Variants in ZNF536 observed in about 807,000 individuals in gnomAD.
ZNF536 encodes zinc finger protein 536.
A neutral mutation model predicts 84.5 loss-of-function variants in ZNF536; 13 were observed. That is an observed-to-expected ratio of 0.15 (90% CI 0.10 to 0.24). ZNF536 has a LOEUF of 0.24. ZNF536 is among the 10% of genes least tolerant of loss of function. The pLI is 1.00. For synonymous variants in ZNF536, 811 were observed against 742.5 expected (o/e 1.09, Z -1.50); for missense variants, 1,536 against 1,747.5 (o/e 0.88, Z 2.16).
At chr19:30,626,329 G>A (rs575109403) in intron 1 of ZNF536, among the ~76,000 whole-genome samples, 1 of 152,112 alleles carries the variant, frequency 6.6e-6, no homozygotes, top group African/African-American at 2.4e-5. Context: ...ATTTTTGCCA[G>A]ATTTATTAAA....
chr19:30,230,149 T>C (rs1238928121), intron 1 of ZNF536, among the ~76,000 whole-genome samples: 1 of 152,236 alleles, frequency 6.6e-6, no homozygotes. Flanking sequence ...CCGGATTTAG[T>C]GTTGATTTTT....
intron 1 of ZNF536, among the ~76,000 whole-genome samples, chr19:30,696,228 G>A (rs2051652115): frequency 6.6e-6 from 1 of 152,080 alleles, no homozygotes; most frequent in African/African-American, 2.4e-5. Flanking sequence ...CCCAGCCCCC[G>A]CAATGTTGGA....
At chr19:30,602,666 G>A (rs575318527) in intron 1 of ZNF536, among the ~76,000 whole-genome samples, 2 of 152,286 alleles carry the variant, frequency 1.3e-5, no homozygotes, top group African/African-American at 4.8e-5. Context: ...CCAGGCTACC[G>A]ATTCCGAGAA....
At chr19:30,676,361 G>C (rs1253476518) in intron 1 of ZNF536, among the ~76,000 whole-genome samples, 2 of 152,148 alleles carry the variant, frequency 1.3e-5, no homozygotes, top group African/African-American at 2.4e-5. Flanking sequence ...AAAGAAGATG[G>C]CTTTCACTCT....
intron 2 of ZNF536, among the ~76,000 whole-genome samples, chr19:30,473,386 G>A (rs761288102): frequency 2.6e-5 from 4 of 152,004 alleles, no homozygotes; most frequent in Non-Finnish European, 4.4e-5. Context: ...CAACCCTGGG[G>A]GCTGCTTTTC....
chr19:30,365,416 C>A (rs2048395794), intron 3 of ZNF536, among the ~76,000 whole-genome samples: 1 of 152,202 alleles, frequency 6.6e-6, no homozygotes, highest in African/African-American at 2.4e-5. Context: ...GTGCTTGTTG[C>A]CCCTGCAAGA....
chr19:30,639,770 G>A (rs543883411), intron 1 of ZNF536, among the ~76,000 whole-genome samples: 21 of 152,250 alleles, frequency 1.4e-4, no homozygotes, highest in African/African-American at 4.1e-4. Flanking sequence ...CTTGGACTAC[G>A]GATGTCTCTG....
chr19:30,466,242 A>T (rs2053385502), intron 2 of ZNF536, among the ~76,000 whole-genome samples: 1 of 151,762 alleles, frequency 6.6e-6, no homozygotes, highest in Admixed American at 6.6e-5. Flanking sequence ...TACATATAAC[A>T]TAGAATTTAC....
chr19:30,255,525 G>A (rs2024867150), intron 1 of ZNF536, among the ~76,000 whole-genome samples: 2 of 152,132 alleles, frequency 1.3e-5, no homozygotes, highest in Admixed American at 1.3e-4. Context: ...TACAAAACAG[G>A]AAGGTTTTCC....
intron 1 of ZNF536, among the ~76,000 whole-genome samples, chr19:30,274,560 A>G (rs1260408239): frequency 1.3e-5 from 2 of 152,234 alleles, no homozygotes; most frequent in East Asian, 3.8e-4. Flanking sequence ...AGTGGCTACC[A>G]GCTTGGACAG....
intron 2 of ZNF536, among the ~76,000 whole-genome samples, chr19:30,325,623 C>G (rs995479676): frequency 6.6e-6 from 1 of 152,160 alleles, no homozygotes; most frequent in Non-Finnish European, 1.5e-5. Flanking sequence ...TGCATCTGTC[C>G]TTTTGCCACA....
intron 1 of ZNF536, among the ~76,000 whole-genome samples, chr19:30,670,479 G>A (rs2050506103): frequency 6.6e-6 from 1 of 152,200 alleles, no homozygotes; most frequent in Admixed American, 6.5e-5. Flanking sequence ...GGGATGCCCG[G>A]CCCATGGCAA....
At chr19:30,374,789 G>T (rs1293981273) in intron 1 of ZNF536, among the ~76,000 whole-genome samples, 1 of 151,698 alleles carries the variant, frequency 6.6e-6, no homozygotes, top group Non-Finnish European at 1.5e-5. Flanking sequence ...GGGGAGCTGC[G>T]AGGCCACCCC....
chr19:30,581,728 G>A (rs1041131541), intron 1 of ZNF536, among the ~76,000 whole-genome samples: 1 of 151,954 alleles, frequency 6.6e-6, no homozygotes, highest in Non-Finnish European at 1.5e-5. Context: ...ACGAGGTCAG[G>A]AGTTCAAGAC....
chr19:30,382,519 A>AT (rs1237556007), intron 1 of ZNF536, among the ~76,000 whole-genome samples: 8 of 152,214 alleles, frequency 5.3e-5, no homozygotes, highest in African/African-American at 1.9e-4. Flanking sequence ...GATACAGTTA[A>AT]TTTTTTCATT....
At chr19:30,661,579 G>A (rs1050108481) in intron 1 of ZNF536, among the ~76,000 whole-genome samples, 5 of 152,176 alleles carry the variant, frequency 3.3e-5, no homozygotes, top group African/African-American at 1.2e-4. Flanking sequence ...CTTATTGGAA[G>A]TTTTTCCAAA....
chr19:30,445,270 G>A lies in ZNF536; in HGVS notation c.1708G>A (p.Gly570Arg), dbSNP rs1188160841. Reference sequence around the variant, plus strand: ...GGAGAAGCGGGAGTACGTGTTAGTGGGAGCAGATGGCTCCAAGCAGAAAAT... The same window carrying A: ...GGAGAAGCGGGAGTACGTGTTAGTGAGAGCAGATGGCTCCAAGCAGAAAAT... ...DKEKREYVLV[G>R]ADGSKQKMPA... is the part of the protein sequence containing the mutation. Residue 570 changes from glycine to arginine, a missense_variant, in exon 2 of 5, where the codon GGA (glycine) becomes AGA (arginine). By Grantham distance (125) the Gly-to-Arg change is moderately radical. Around this residue, in one of 8 missense-constraint regions of ZNF536, gnomAD observed 366 missense variants for 364.4 expected, o/e 1.00. Coordinates refer to ENST00000355537, the MANE Select transcript of ZNF536 (RefSeq NM_014717.3). The surrounding 1 kb of genome is among the most constrained non-coding windows in gnomAD (Gnocchi z 4.5). 1.2e-6 allele frequency: 2 copies of A among 1,614,164 alleles called. No individual in the cohort carries two copies. Among genetic ancestry groups the A allele is most frequent in the Admixed American group, 1.7e-5 (1 of 60,022 alleles).
chr19:30,255,529 G>C (rs532675837), intron 1 of ZNF536, among the ~76,000 whole-genome samples: 1 of 152,184 alleles, frequency 6.6e-6, no homozygotes, highest in South Asian at 2.1e-4. Context: ...AAACAGGAAG[G>C]TTTTCCAGAA....
chr19:30,470,314 C>T (rs1022675531), intron 2 of ZNF536, among the ~76,000 whole-genome samples: 1 of 152,158 alleles, frequency 6.6e-6, no homozygotes, highest in Admixed American at 6.5e-5. Context: ...TGCCCAGCTT[C>T]CCCTGTTGTT....
Sources: gnomAD v4.1 joint callset for allele counts (sites outside exome capture counted in the v4.1 genomes callset) on GRCh38, gnomAD v4.1.1 for gene constraint, gnomAD v4.1.1 regional missense constraint, Gnocchi (gnomAD v3.1) non-coding constraint, MANE v1.5 for transcripts, NCBI Gene and HGNC (gene_info 2026-07-23, HGNC 2026-07-21) for gene names.